The following PEX5L variants were observed in gnomAD, a reference collection of about 807,000 sequenced individuals.
PEX5L encodes peroxisomal biogenesis factor 5 like.
In PEX5L, 30 loss-of-function variants were observed where a neutral mutation model predicts 84.0. The ratio of observed to expected loss-of-function variants is 0.36; its 90% CI spans 0.27 to 0.48. The LOEUF (loss-of-function observed/expected upper bound fraction) is 0.48. PEX5L is among the 20% of genes least tolerant of loss of function. PEX5L has a pLI of 0.99. For synonymous variants in PEX5L, 270 were observed against 283.1 expected, an observed-to-expected ratio of 0.95 and a Z score of 0.46; for missense variants, 533 against 754.6, an observed-to-expected ratio of 0.71 and a Z score of 3.44.
chr3:179,802,130 A>G (rs1440813798), intron 14 of PEX5L, 98 bp from the exon 15 acceptor site: 1 of 840,936 alleles, frequency 1.2e-6, no homozygotes, highest in Non-Finnish European at 2.0e-6. Flanking sequence ...ATTTTAATCT[A>G]AAATCTTAAA....
Position 180,021,117 on chromosome 3 carries a change from A to T in PEX5L, c.21+15462T>A, listed in dbSNP as rs540586122. ...CCTGGAGGTTTACGGAAGACTCCTT[A>T]TAGGAAGTGATACCTTCAGCTGGAT... On this transcript the variant is annotated intron_variant, in intron 1 of 14. Coordinates refer to ENST00000467460, the MANE Select transcript of PEX5L (RefSeq NM_016559.3). Among the ~76,000 whole-genome samples the T allele has an allele frequency of 2.0e-5, 3 of 152,276 alleles. 1 individual carries two copies. The South Asian group carries it at 6.2e-4, about 32-fold the overall frequency.
chr3:179,944,232 A>T (rs1055431297), intron 2 of PEX5L, among the ~76,000 whole-genome samples: 4 of 152,224 alleles, frequency 2.6e-5, no homozygotes, highest in African/African-American at 9.6e-5. Context: ...AACTCAGATG[A>T]TAGCAGACTG....
chr3:180,026,059 G>C (rs1427912671), intron 1 of PEX5L, among the ~76,000 whole-genome samples: 1 of 147,090 alleles, frequency 6.8e-6, no homozygotes, highest in African/African-American at 2.5e-5. Flanking sequence ...TAAGCACTAT[G>C]TTTTGTTCCC....
At chr3:179,876,950 AT>A (rs1223304663) in intron 5 of PEX5L, among the ~76,000 whole-genome samples, 3 of 152,166 alleles carry the variant, frequency 2.0e-5, no homozygotes, top group African/African-American at 7.2e-5. Flanking sequence ...TGGGACTCAA[AT>A]TTAAACACGA....
intron 2 of PEX5L, among the ~76,000 whole-genome samples, chr3:179,953,626 C>T (rs540739621): frequency 6.6e-6 from 1 of 152,120 alleles, no homozygotes; most frequent in East Asian, 1.9e-4. Flanking sequence ...TTCATAAGTG[C>T]CTTTAAGTTG....
chr3:179,993,708 C>T (rs886947397), intron 1 of PEX5L, among the ~76,000 whole-genome samples: 5 of 151,860 alleles, frequency 3.3e-5, no homozygotes, highest in African/African-American at 4.8e-5. Context: ...TCACTATGTT[C>T]GCCAGGCTAG....
chr3:179,924,762 T>C (rs1339510517), intron 2 of PEX5L, among the ~76,000 whole-genome samples: 4 of 152,190 alleles, frequency 2.6e-5, no homozygotes, highest in Admixed American at 1.3e-4. Context: ...CTTGCCTCCT[T>C]ATACCTTAAG....
At chr3:179,924,920 C>A (rs548758165) in intron 2 of PEX5L, among the ~76,000 whole-genome samples, 1 of 152,096 alleles carries the variant, frequency 6.6e-6, no homozygotes. Flanking sequence ...AAGAAGAAAG[C>A]AATCAAACAA....
intron 1 of PEX5L, among the ~76,000 whole-genome samples, chr3:179,994,947 C>T (rs1030470395): frequency 6.6e-6 from 1 of 151,702 alleles, no homozygotes; most frequent in Admixed American, 6.6e-5. Flanking sequence ...TTCCAGATGG[C>T]CTATTGTGAA....
intron 7 of PEX5L, among the ~76,000 whole-genome samples, chr3:179,864,145 G>T (rs1241316263): frequency 6.6e-6 from 1 of 152,064 alleles, no homozygotes; most frequent in African/African-American, 2.4e-5. Context: ...AAATTACCCA[G>T]TCTCGGGTAT....
At chr3:179,847,675 G>A (rs940455811) in intron 8 of PEX5L, among the ~76,000 whole-genome samples, 1 of 152,040 alleles carries the variant, frequency 6.6e-6, no homozygotes, top group Non-Finnish European at 1.5e-5. Context: ...TAGTCATTCA[G>A]TATTTTGATT....
intron 4 of PEX5L, among the ~76,000 whole-genome samples, chr3:179,883,131 CGTGTGT>C (rs1754673229): frequency 6.6e-6 from 1 of 151,892 alleles, no homozygotes; most frequent in Admixed American, 6.6e-5. Flanking sequence ...AAAGTGTGTG[CGTGTGT>C]GTATGCACAT....
At chr3:180,023,281 G>A (rs1011343824) in intron 1 of PEX5L, among the ~76,000 whole-genome samples, 11 of 152,032 alleles carry the variant, frequency 7.2e-5, no homozygotes, top group Admixed American at 1.3e-4. Flanking sequence ...TAACTTTTAC[G>A]AACATCTCAC....
intron 2 of PEX5L, among the ~76,000 whole-genome samples, chr3:179,945,616 G>A (rs560177468): frequency 6.6e-6 from 1 of 152,274 alleles, no homozygotes; most frequent in East Asian, 1.9e-4. Flanking sequence ...GGCTAGTACA[G>A]GGCATGACAC....
At chr3:179,869,285 TAATCACTATCTTAACCTATTTGTG>T (rs1749456743) in intron 7 of PEX5L, among the ~76,000 whole-genome samples, 1 of 152,226 alleles carries the variant, frequency 6.6e-6, no homozygotes, top group South Asian at 2.1e-4. Flanking sequence ...TTTGCCTCAC[TAATCACTATCTTAACCTATTTGTG>T]GAGAAGGGTA....
intron 1 of PEX5L, among the ~76,000 whole-genome samples, chr3:179,982,980 G>T (rs1786472030): frequency 1.3e-5 from 2 of 151,804 alleles, no homozygotes; most frequent in South Asian, 2.1e-4. Flanking sequence ...TACATTGTAG[G>T]TATTTAGTAA....
chr3:179,849,587 T>C (rs2108435568), intron 8 of PEX5L, among the ~76,000 whole-genome samples: 1 of 152,360 alleles, frequency 6.6e-6, no homozygotes, highest in East Asian at 1.9e-4. Flanking sequence ...GCACAAAGCC[T>C]TCCAAGAAAT....
At chr3:179,912,129 C>CT (rs1456392520) in intron 2 of PEX5L, among the ~76,000 whole-genome samples, 1 of 152,118 alleles carries the variant, frequency 6.6e-6, no homozygotes, top group Middle Eastern at 3.2e-3. Context: ...CTGTATCTCT[C>CT]TATCTCCTAT....
At chr3:179,887,610 T>A (rs1756306024) in intron 4 of PEX5L, 63 bp downstream of exon 4, 1 of 1,018,226 alleles carries the variant, frequency 9.8e-7, no homozygotes, top group Non-Finnish European at 1.5e-6. Flanking sequence ...ATGGAAAAAA[T>A]GTGCATTTTA....
Sources: gnomAD v4.1 joint callset for allele counts (sites outside exome capture counted in the v4.1 genomes callset) on GRCh38, gnomAD v4.1.1 for gene constraint, MANE v1.5 for transcripts, NCBI Gene and HGNC (gene_info 2026-07-23, HGNC 2026-07-21) for gene names.